SLC9A9: variants seen among roughly 807,000 people sequenced by gnomAD.
SLC9A9 encodes solute carrier family 9 member A9.
In SLC9A9, 62 loss-of-function variants were observed where a neutral mutation model predicts 77.8. That is an observed-to-expected ratio of 0.80 (90% CI 0.65 to 0.98). The LOEUF is 0.98. SLC9A9 is among the 50% of genes least tolerant of loss of function. The probability of loss-of-function intolerance (pLI) is 0.00; values close to 1 mark genes in which losing one functional copy is unlikely to be tolerated. For missense variants in SLC9A9, 775 were observed against 774.9 expected (o/e 1.00, Z 0.00); for synonymous variants, 320 against 283.5 (o/e 1.13, Z -1.29).
At chr3:143,410,929 C>CAAGTAATTA (rs2034084395) in intron 12 of SLC9A9, among the ~76,000 whole-genome samples, 1 of 152,028 alleles carries the variant, frequency 6.6e-6, no homozygotes, top group Admixed American at 6.6e-5. Flanking sequence ...TCTTAATTTG[C>CAAGTAATTA]AAGTAATTAA....
chr3:143,453,283 A>G (rs1456840494), intron 12 of SLC9A9, among the ~76,000 whole-genome samples: 1 of 152,078 alleles, frequency 6.6e-6, no homozygotes, highest in African/African-American at 2.4e-5. Context: ...GGTTTTAAAG[A>G]CTAGATTATT....
intron 13 of SLC9A9, among the ~76,000 whole-genome samples, chr3:143,380,167 C>T (rs1432489705): frequency 6.6e-6 from 1 of 152,178 alleles, no homozygotes; most frequent in African/African-American, 2.4e-5. Flanking sequence ...TTATGCTATC[C>T]TATTTCTCTA....
chr3:143,792,627 A>G (rs998954754), intron 4 of SLC9A9, among the ~76,000 whole-genome samples: 16 of 152,092 alleles, frequency 1.1e-4, no homozygotes, highest in East Asian at 9.6e-4. Context: ...TGGGGGTCCA[A>G]TACTCCTTGG....
At chr3:143,430,025 A>C (rs2034482742) in intron 12 of SLC9A9, among the ~76,000 whole-genome samples, 1 of 152,214 alleles carries the variant, frequency 6.6e-6, no homozygotes, top group Non-Finnish European at 1.5e-5. Context: ...TGCCCTGCCC[A>C]TTCCAAGTTT....
intron 11 of SLC9A9, among the ~76,000 whole-genome samples, chr3:143,488,262 A>T (rs1476243509): frequency 6.6e-6 from 1 of 151,994 alleles, no homozygotes; most frequent in Non-Finnish European, 1.5e-5. Flanking sequence ...CAGTAATCAA[A>T]AATCTCCTCA....
chr3:143,288,372 G>A (rs751902942), intron 14 of SLC9A9, among the ~76,000 whole-genome samples: 5 of 152,040 alleles, frequency 3.3e-5, no homozygotes, highest in Admixed American at 1.3e-4. Flanking sequence ...CTACTTGTTC[G>A]CATTTTCGGG....
chr3:143,651,463 T>C (rs2038793976), intron 6 of SLC9A9, among the ~76,000 whole-genome samples: 1 of 152,248 alleles, frequency 6.6e-6, no homozygotes, highest in Admixed American at 6.5e-5. Context: ...TCACAATACA[T>C]TTTAAACTGC....
intron 13 of SLC9A9, among the ~76,000 whole-genome samples, chr3:143,380,737 A>C (rs1024402825): frequency 6.6e-6 from 1 of 152,218 alleles, no homozygotes; most frequent in Admixed American, 6.5e-5. Context: ...AAAAAACCTC[A>C]AAGTACATGA....
intron 12 of SLC9A9, among the ~76,000 whole-genome samples, chr3:143,420,257 A>C (rs1330977049): frequency 6.6e-6 from 1 of 152,144 alleles, no homozygotes; most frequent in Non-Finnish European, 1.5e-5. Flanking sequence ...GAAGAAAGTA[A>C]TATCTTTCTT....
At chr3:143,689,657 A>C (rs1016354788) in intron 5 of SLC9A9, among the ~76,000 whole-genome samples, 2 of 142,140 alleles carry the variant, frequency 1.4e-5, no homozygotes, top group Non-Finnish European at 3.1e-5. Context: ...TGATCCTCTC[A>C]CCTTGGCCTC....
intron 14 of SLC9A9, among the ~76,000 whole-genome samples, chr3:143,356,179 GTT>G (rs1416844044): frequency 6.6e-6 from 1 of 152,160 alleles, no homozygotes; most frequent in Admixed American, 6.6e-5. Context: ...CTCCAGAAGA[GTT>G]TTATACCAAC....
chr3:143,362,555 T>C (rs1445210129), intron 14 of SLC9A9, among the ~76,000 whole-genome samples: 1 of 152,090 alleles, frequency 6.6e-6, no homozygotes, highest in African/African-American at 2.4e-5. Context: ...TCTTCACCTA[T>C]TCTTTGAATT....
At chr3:143,800,244 C>G (rs868804302) in intron 2 of SLC9A9, among the ~76,000 whole-genome samples, 1 of 152,080 alleles carries the variant, frequency 6.6e-6, no homozygotes, top group African/African-American at 2.4e-5. Flanking sequence ...CCCATTAAAA[C>G]CTAATCACCC....
chr3:143,646,814 T>A (rs923100321), intron 6 of SLC9A9, among the ~76,000 whole-genome samples: 1 of 152,218 alleles, frequency 6.6e-6, no homozygotes, highest in Non-Finnish European at 1.5e-5. Flanking sequence ...ATAGGAGGGT[T>A]CTCAATTCCC....
intron 4 of SLC9A9, among the ~76,000 whole-genome samples, chr3:143,784,199 G>A (rs1048318173): frequency 1.3e-5 from 2 of 152,156 alleles, no homozygotes; most frequent in African/African-American, 2.4e-5. Context: ...CTGAGCAGGG[G>A]TCAAGTTTCC....
chr3:143,464,449 GTTTA>G (rs2035251073), intron 12 of SLC9A9, among the ~76,000 whole-genome samples: 1 of 152,154 alleles, frequency 6.6e-6, no homozygotes. Flanking sequence ...ATTCTTTAAT[GTTTA>G]TTCTATTATG....
At chr3:143,616,049 T>G (rs112141404) in intron 6 of SLC9A9, among the ~76,000 whole-genome samples, 16,511 of 151,850 alleles carry the variant, frequency 0.11, 1,053 homozygotes, top group Non-Finnish European at 0.14. Flanking sequence ...CCCAGCTAAT[T>G]TTTTTTGGTA....
intron 14 of SLC9A9, among the ~76,000 whole-genome samples, chr3:143,329,273 G>C (rs760390962): frequency 6.6e-6 from 1 of 152,130 alleles, no homozygotes; most frequent in African/African-American, 2.4e-5. Context: ...TGGAGGTGGC[G>C]GTAGGGGAGT....
At chr3:143,802,808 T>C (rs1402103595) in intron 2 of SLC9A9, among the ~76,000 whole-genome samples, 1 of 152,138 alleles carries the variant, frequency 6.6e-6, no homozygotes, top group African/African-American at 2.4e-5. Context: ...TACTTTTACC[T>C]CTTGCCCTTC....
Sources: allele counts gnomAD v4.1 joint callset (sites outside exome capture counted in the v4.1 genomes callset), GRCh38; gene constraint gnomAD v4.1.1; transcripts MANE v1.5; gene names NCBI Gene and HGNC (gene_info 2026-07-23, HGNC 2026-07-21).